EPHA7: variants seen among roughly 807,000 people sequenced by gnomAD.
EPHA7 encodes ephrin type-A receptor 7.
EPHA7 carries 25 observed loss-of-function variants against 112.6 expected under a neutral mutation model. That is an observed-to-expected ratio of 0.22 (90% confidence interval 0.16 to 0.31). The LOEUF (loss-of-function observed/expected upper bound fraction) is 0.31. Among genes scored for constraint, EPHA7 ranks in the 10% least tolerant of loss-of-function variants. The pLI is 1.00. For synonymous variants in EPHA7, 437 were observed against 406.5 expected (o/e 1.07, Z -0.90); for missense variants, 962 against 1,212.6 (o/e 0.79, Z 3.07).
chr6:93,352,714 A>G (rs546472700), intron 5 of EPHA7, among the ~76,000 whole-genome samples: 1 of 152,220 alleles, frequency 6.6e-6, no homozygotes, highest in East Asian at 1.9e-4. Flanking sequence ...CAGCACTTAA[A>G]TAGTGCTTAA....
intron 5 of EPHA7, among the ~76,000 whole-genome samples, chr6:93,340,300 T>TTCTGAGTTAACCTACTGTGTGG: frequency 6.6e-6 from 1 of 151,958 alleles, no homozygotes; most frequent in Admixed American, 6.6e-5. Context: ...CCAATTTAAA[T>TTCTGAGTTAACCTACTGTGTGG]TCTGAGTTAA....
At chr6:93,350,151 A>G (rs542757829) in intron 5 of EPHA7, among the ~76,000 whole-genome samples, 2 of 152,142 alleles carry the variant, frequency 1.3e-5, no homozygotes, top group African/African-American at 4.8e-5. Flanking sequence ...TTGAAGAAAG[A>G]TAATAAAACA....
chr6:93,286,174 C>T (rs990062406), intron 5 of EPHA7, among the ~76,000 whole-genome samples: 2 of 152,110 alleles, frequency 1.3e-5, no homozygotes, highest in African/African-American at 4.8e-5. Flanking sequence ...ACCCTACACA[C>T]ACACCCCCAC....
At chr6:93,303,907 T>A (rs1773119763) in intron 5 of EPHA7, among the ~76,000 whole-genome samples, 1 of 152,140 alleles carries the variant, frequency 6.6e-6, no homozygotes, top group South Asian at 2.1e-4. Flanking sequence ...AGGTATTATC[T>A]GTGGAAACCT....
intron 2 of EPHA7, among the ~76,000 whole-genome samples, chr6:93,411,457 G>C (rs920370457): frequency 2.6e-5 from 4 of 151,986 alleles, no homozygotes; most frequent in African/African-American, 9.7e-5. Flanking sequence ...TTATGTTTAT[G>C]TTCTCCATTG....
chr6:93,343,426 T>C (rs902564104), intron 5 of EPHA7, among the ~76,000 whole-genome samples: 2 of 151,698 alleles, frequency 1.3e-5, no homozygotes, highest in Non-Finnish European at 3.0e-5. Context: ...GATATGTAAA[T>C]TGGATATACA....
Position 93,345,179 on chromosome 6 carries a change from T to C in EPHA7, c.1324+11538A>G, listed in dbSNP as rs563685005. On this transcript the variant is annotated intron_variant, in intron 5 of 16. Coordinates refer to ENST00000369303, the MANE Select transcript of EPHA7 (RefSeq NM_004440.4). ...AAGAGTATTAGCAGTATTTGAATAATACAATAGTGATATGGCTTAACCAGT... is the reference window on the plus strand; with the variant it reads ...AAGAGTATTAGCAGTATTTGAATAACACAATAGTGATATGGCTTAACCAGT... Among the ~76,000 whole-genome samples the C allele has an allele frequency of 1.7e-4, 26 of 151,814 alleles. No individual in the cohort carries two copies. In the East Asian group the frequency reaches 4.8e-3, roughly 28 times the overall value.
Position 93,419,223 on chromosome 6 carries a change from C to T in EPHA7, c.97+22G>A, listed in dbSNP as rs540931282. The T allele has an allele frequency of 1.9e-6, 3 of 1,599,290 alleles. No individual in the cohort carries two copies. In the African/African-American group the frequency reaches 4.0e-5, roughly 21 times the overall value. ...ATCTAAATAAATAAGTCAGAACAAA[C>T]TTTGCTTTCCCATCACCTTACCTTC... On this transcript the variant is annotated intron_variant, in intron 1 of 16. Transcript: ENST00000369303.
At chr6:93,349,579 A>G (rs1055212236) in intron 5 of EPHA7, among the ~76,000 whole-genome samples, 1 of 151,922 alleles carries the variant, frequency 6.6e-6, no homozygotes, top group South Asian at 2.1e-4. Flanking sequence ...GCATTTATAT[A>G]TTTTTAACCT....
At chr6:93,416,487 C>G (rs1245050714) in intron 1 of EPHA7, among the ~76,000 whole-genome samples, 1 of 152,138 alleles carries the variant, frequency 6.6e-6, no homozygotes, top group Non-Finnish European at 1.5e-5. Flanking sequence ...AGCAAGGGAC[C>G]TAAGCAGACA....
intron 3 of EPHA7, among the ~76,000 whole-genome samples, chr6:93,404,701 T>C (rs867693790): frequency 6.6e-6 from 1 of 151,336 alleles, no homozygotes; most frequent in Non-Finnish European, 1.5e-5. Flanking sequence ...AAGAGTATTT[T>C]TTCTCTTTTA....
chr6:93,349,806 G>A (rs1264093940), intron 5 of EPHA7, among the ~76,000 whole-genome samples: 1 of 151,804 alleles, frequency 6.6e-6, no homozygotes, highest in African/African-American at 2.4e-5. Context: ...AACTTGATGT[G>A]TGTCCATTAA....
intron 5 of EPHA7, among the ~76,000 whole-genome samples, chr6:93,347,053 G>T (rs1263906385): frequency 6.6e-6 from 1 of 151,766 alleles, no homozygotes; most frequent in African/African-American, 2.4e-5. Context: ...TGATCCTAAT[G>T]GGAAGTCATA....
intron 3 of EPHA7, among the ~76,000 whole-genome samples, chr6:93,360,513 G>C (rs968404370): frequency 1.2e-4 from 19 of 152,012 alleles, no homozygotes; most frequent in African/African-American, 4.3e-4. Flanking sequence ...AGGAGGTTAT[G>C]GGGGGACAAT....
At chr6:93,288,939 A>G (rs1324829635) in intron 5 of EPHA7, among the ~76,000 whole-genome samples, 1 of 152,216 alleles carries the variant, frequency 6.6e-6, no homozygotes, top group African/African-American at 2.4e-5. Flanking sequence ...CAAGTACCAT[A>G]AAGTGATGGG....
At chr6:93,412,821 T>C (rs1779043116) in intron 2 of EPHA7, among the ~76,000 whole-genome samples, 1 of 152,056 alleles carries the variant, frequency 6.6e-6, no homozygotes, top group Admixed American at 6.5e-5. Context: ...CCAAAGCTAA[T>C]TATTTTAAAA....
intron 5 of EPHA7, among the ~76,000 whole-genome samples, chr6:93,303,638 T>C: frequency 6.6e-6 from 1 of 152,114 alleles, no homozygotes. Context: ...CACACAATCA[T>C]ATGGATCAGC....
Position 93,410,696 on chromosome 6 carries a change from C to A in EPHA7, c.637G>T (p.Ala213Ser). ...KKCWSIIENLAIFPDTVTGSE... is the reference protein window; with the variant it reads ...KKCWSIIENLSIFPDTVTGSE... ...CCAGTCACTGTATCTGGAAAGATAGCTAAGTTCTCAATAATGGACCAGCAC... is the reference window on the plus strand; with the variant it reads ...CCAGTCACTGTATCTGGAAAGATAGATAAGTTCTCAATAATGGACCAGCAC... The change falls in exon 3 of 17, where the codon GCT becomes TCT. Residue 213 changes from alanine (A) to serine (S), a missense_variant. This residue lies in a region of EPHA7 where 160 missense variants were observed against 263.6 expected (regional missense o/e 0.61). Coordinates refer to ENST00000369303, the MANE Select transcript of EPHA7 (RefSeq NM_004440.4). The surrounding 1 kb of genome is among the most constrained non-coding windows in gnomAD (Gnocchi z 4.0). 1 of 1,614,046 alleles carries A rather than the reference C, an allele frequency of 6.2e-7. No individual in the cohort carries two copies. Among genetic ancestry groups the A allele is most frequent in the Non-Finnish European group, 8.5e-7 (1 of 1,179,966 alleles).
chr6:93,298,176 CT>C (rs1772772662), intron 5 of EPHA7, among the ~76,000 whole-genome samples: 2 of 152,140 alleles, frequency 1.3e-5, no homozygotes, highest in Admixed American at 1.3e-4. Context: ...AAATATTAGT[CT>C]TTCAAAATAA....
Sources: gnomAD v4.1 joint callset for allele counts (sites outside exome capture counted in the v4.1 genomes callset) on GRCh38, gnomAD v4.1.1 for gene constraint, gnomAD v4.1.1 regional missense constraint, Gnocchi (gnomAD v3.1) non-coding constraint, MANE v1.5 for transcripts, NCBI Gene and HGNC (gene_info 2026-07-23, HGNC 2026-07-21) for gene names.